KIF12: variants seen among roughly 807,000 people sequenced by gnomAD.
KIF12 encodes kinesin-like protein KIF12.
In KIF12, 80 loss-of-function variants were observed where a neutral mutation model predicts 87.9. That is an observed-to-expected ratio of 0.91 (90% CI 0.76 to 1.10). The LOEUF is 1.10. KIF12 is among the 50% of genes least tolerant of loss of function. KIF12 has a pLI of 0.00. For synonymous variants in KIF12, 353 were observed against 348.5 expected, an observed-to-expected ratio of 1.01 and a Z score of -0.14; for missense variants, 819 against 865.3, an observed-to-expected ratio of 0.95 and a Z score of 0.67.
chr9:114,092,036 A>G, intron 18 of KIF12, 36 bp from the exon 19 acceptor site: 1 of 1,586,568 alleles, frequency 6.3e-7, no homozygotes, highest in Non-Finnish European at 8.6e-7. Flanking sequence ...TGCCCTCTCC[A>G]GGGCCCTTCC....
rs767165166 is a variant in KIF12 at position 114,096,201 on chromosome 9, G to T, written c.745C>A (p.Gln249Lys). The T allele has an allele frequency of 1.1e-5, 18 of 1,613,700 alleles. No individual in the cohort carries two copies. The highest frequency in any genetic ancestry group is 2.7e-5 in the African/African-American group (2 of 74,936). Reference protein sequence around the residue: ...TLYISRQTAQQMPSVDPGEPP... With the variant: ...TLYISRQTAQKMPSVDPGEPP... ...TCCCCAGGGTCCACAGAAGGCATCT[G>T]CTGGGCCTGAGGGATCAGAGCTTCA... is the stretch of plus-strand genomic sequence containing the variant. Residue 249 changes from glutamine to lysine, a missense_variant, in exon 9 of 19, where the codon CAG becomes AAG. Coordinates refer to ENST00000640217, the MANE Select transcript of KIF12 (RefSeq NM_001388308.1).
At chr9:114,098,082 C>G (rs1422254565) in intron 5 of KIF12, 33 bp downstream of exon 5, 2 of 1,539,870 alleles carry the variant, frequency 1.3e-6, no homozygotes, top group South Asian at 2.4e-5. Flanking sequence ...CACCCAGCCC[C>G]GCCCCGCGGG....
intron 9 of KIF12, among the ~76,000 whole-genome samples, chr9:114,095,770 A>G (rs962694461): frequency 4.6e-5 from 7 of 151,740 alleles, no homozygotes; most frequent in African/African-American, 1.5e-4. Context: ...GGACATGCCA[A>G]ATGTCTCTGA....
intron 8 of KIF12, 21 bp from the exon 9 acceptor site, chr9:114,096,228 G>A (rs374176491): frequency 4.4e-4 from 715 of 1,613,124 alleles, no homozygotes; most frequent in Non-Finnish European, 5.9e-4. Context: ...AGAGCTTCAT[G>A]GGGACTTGGG....
In KIF12 at chr9:114,092,370, C is replaced by G; in HGVS notation, c.1779G>C (p.Leu593=). 1.2e-6 allele frequency: 2 copies of G among 1,607,940 alleles called. No homozygotes were observed. Among genetic ancestry groups the G allele is most frequent in the African/African-American group, 1.3e-5 (1 of 74,704 alleles). The change falls in exon 18 of 19, where the codon CTG becomes CTC. Residue 593 remains leucine (L), a synonymous_variant. Coordinates refer to ENST00000640217, the MANE Select transcript of KIF12 (RefSeq NM_001388308.1). ...GTGATGTCTTCGGGGGCCTCACAGGCAGGGGAGGTGCAGAAGGTACCACCT... is the reference window on the plus strand; with the variant it reads ...GTGATGTCTTCGGGGGCCTCACAGGGAGGGGAGGTGCAGAAGGTACCACCT... ...EEEVVPSAPP[L]PVRPPKTSPG...
chr9:114,095,005 G>T lies in KIF12; in HGVS notation c.1119+18C>A. 1 of 1,539,036 alleles carries T rather than the reference G, an allele frequency of 6.5e-7. No homozygotes were observed. On this transcript the variant is annotated intron_variant, in intron 11 of 18. Coordinates refer to ENST00000640217, the MANE Select transcript of KIF12 (RefSeq NM_001388308.1). ...CATCTCCACGCCTGTCCCTCAGCTT[G>T]TGCCTGCCTATACTCACCTTGGGGG...
chr9:114,095,958 A>G, intron 9 of KIF12, 93 bp downstream of exon 9: 5 of 1,384,432 alleles, frequency 3.6e-6, no homozygotes, highest in Non-Finnish European at 4.9e-6. Context: ...TCTTCTATTT[A>G]CTACAACTCC....
intron 9 of KIF12, among the ~76,000 whole-genome samples, chr9:114,095,811 T>A (rs969811404): frequency 6.6e-6 from 1 of 152,232 alleles, no homozygotes; most frequent in Non-Finnish European, 1.5e-5. Flanking sequence ...AGTGGTTCTA[T>A]TTCCCAAATT....
rs1030971963 is a variant in KIF12, at chr9:114,096,104, C to A, written c.842G>T (p.Arg281Leu). ...GTTAGCCTCAAGCATCAGCTCCCCACGGGATCCCGTGGCTGCTACCTTCTC... is the reference window on the plus strand; with the variant it reads ...GTTAGCCTCAAGCATCAGCTCCCCAAGGGATCCCGTGGCTGCTACCTTCTC... Reference protein sequence around the residue: ...GSEKVAATGSRGELMLEANSI... With the variant: ...GSEKVAATGSLGELMLEANSI... The change falls in exon 9 of 19, where the codon CGT becomes CTT. Residue 281 changes from arginine (R) to leucine (L), a missense_variant. Transcript: ENST00000640217. 6.2e-7 allele frequency: 1 copy of A among 1,613,686 alleles called. No homozygotes were observed. The highest frequency in any genetic ancestry group is 1.3e-5 in the African/African-American group (1 of 74,906).
chr9:114,097,882 C>G (rs1019346360), intron 5 of KIF12, 141 bp from the exon 6 acceptor site: 2 of 1,099,830 alleles, frequency 1.8e-6, no homozygotes, highest in African/African-American at 3.2e-5. Flanking sequence ...ACTGTCACTT[C>G]CATTTTACAG....
chr9:114,093,402 C>T lies in KIF12; in HGVS notation c.1491+5G>A, dbSNP rs576478053. 1.3e-6 allele frequency: 2 copies of T among 1,563,032 alleles called. No homozygotes were observed. The highest frequency in any genetic ancestry group is 2.4e-5 in the South Asian group (2 of 84,512). ...CACCCCTCCAGGCTGGGCCGTGAGACTCACATGGCAAGGGGGAGCTGGGGC... is the reference window on the plus strand; with the variant it reads ...CACCCCTCCAGGCTGGGCCGTGAGATTCACATGGCAAGGGGGAGCTGGGGC... On this transcript the variant is annotated splice_donor_5th_base_variant and intron_variant, in intron 15 of 18. Transcript: ENST00000640217.
rs1847003408 is a variant in KIF12 at position 114,091,660 on chromosome 9, T to A, written c.*201A>T. 1.9e-6 allele frequency: 1 copy of A among 520,518 alleles called. No individual in the cohort carries two copies. Among genetic ancestry groups the A allele is most frequent in the African/African-American group, 1.9e-5 (1 of 51,640 alleles). The allele number at this position is 520,518 out of a possible 1,614,324, so 32.2% of individuals were successfully genotyped here. On this transcript the variant is annotated 3_prime_UTR_variant, in exon 19 of 19. Transcript: ENST00000640217. ...GACTTGGAGCTGATGCCTCTCTTTA[T>A]TCATGTATTTCATCCCCTGCTGCCT...
At chr9:114,098,509 GGC>G in intron 3 of KIF12, 80 bp from the exon 4 acceptor site, 1 of 1,135,588 alleles carries the variant, frequency 8.8e-7, no homozygotes, top group South Asian at 1.7e-5. Context: ...CGTGGAGGAG[GGC>G]GGGGCACGCG....
intron 9 of KIF12, 25 bp downstream of exon 9, chr9:114,096,026 C>G (rs1588504791): frequency 1.3e-6 from 2 of 1,590,978 alleles, no homozygotes; most frequent in Non-Finnish European, 1.7e-6. Context: ...GACAGGAAAT[C>G]ACACCGGTGG....
Position 114,094,851 on chromosome 9 carries a change from G to A in KIF12, c.1119+172C>T, listed in dbSNP as rs149439349. On this transcript the variant is annotated intron_variant, in intron 11 of 18. Transcript: ENST00000640217. The stretch of plus-strand genomic sequence containing the variant: ...CTGCCCTAAACCTGGCATGACCCTG[G>A]CTGGGACCCTGACCCCATCCTATAC... Among the ~76,000 whole-genome samples, 383 of 152,190 alleles carry A rather than the reference G, an allele frequency of 2.5e-3. 4 individuals carry two copies. Among genetic ancestry groups the A allele is most frequent in the South Asian group, 3.7e-3 (18 of 4,810 alleles).
In KIF12 at chr9:114,096,413, G is replaced by C. The variant is rs775102998; in HGVS notation, c.712C>G (p.Leu238Val). 6 of 1,613,282 alleles carry C rather than the reference G, an allele frequency of 3.7e-6. No individual in the cohort carries two copies. The highest frequency in any genetic ancestry group is 5.1e-6 in the Non-Finnish European group (6 of 1,179,756). Reference protein sequence around the residue: ...NQASSRSHALLTLYISRQTAQ... With the variant: ...NQASSRSHALVTLYISRQTAQ... ...GTTTGACGGCTGATGTAAAGGGTGA[G>C]CAGGGCATGGCTTCGGCTGGAGGCC... is the stretch of plus-strand genomic sequence containing the variant. Residue 238 changes from leucine (L) to valine (V), a missense_variant, in exon 8 of 19, where the codon CTC becomes GTC. Coordinates refer to ENST00000640217, the MANE Select transcript of KIF12 (RefSeq NM_001388308.1).
chr9:114,095,037 G>A lies in KIF12; in HGVS notation c.1105C>T (p.Pro369Ser). ...ASRAQRVTTR[P>S]QAPKSPVAKQ... ...CCTATACTCACCTTGGGGGCCTGTGGTCGGGTGGTGACCCGCTGAGCTCGG... is the reference window on the plus strand; with the variant it reads ...CCTATACTCACCTTGGGGGCCTGTGATCGGGTGGTGACCCGCTGAGCTCGG... Residue 369 changes from proline (P) to serine (S), a missense_variant, in exon 11 of 19, where the codon CCA (proline) becomes TCA (serine). Transcript: ENST00000640217. The A allele has an allele frequency of 1.3e-6, 2 of 1,598,950 alleles. No individual in the cohort carries two copies. The highest frequency in any genetic ancestry group is 1.7e-6 in the Non-Finnish European group (2 of 1,172,422).
intron 15 of KIF12, 22 bp from the exon 16 acceptor site, chr9:114,093,355 G>T: frequency 2.6e-6 from 4 of 1,554,600 alleles, no homozygotes; most frequent in Non-Finnish European, 3.5e-6. Context: ...TGCGTCAGAG[G>T]CTCCATGACA....
rs770660521 is a variant in KIF12, at chr9:114,094,384, C to T, written c.1191G>A (p.Leu397=). 3 of 1,613,998 alleles carry T rather than the reference C, an allele frequency of 1.9e-6. No individual in the cohort carries two copies. Among genetic ancestry groups the T allele is most frequent in the Admixed American group, 1.7e-5 (1 of 60,016 alleles). ...MLQLQEENRR[L]QFQLDQMDCK... ...AGTCCATTTGGTCCAGCTGGAACTGCAGGCGACGGTTCTCCTCCTGGAGCT... is the reference window on the plus strand; with the variant it reads ...AGTCCATTTGGTCCAGCTGGAACTGTAGGCGACGGTTCTCCTCCTGGAGCT... Residue 397 remains leucine (L), a synonymous_variant, in exon 12 of 19, where the codon CTG becomes CTA. Transcript: ENST00000640217.
Sources: gnomAD v4.1 joint callset for allele counts (sites outside exome capture counted in the v4.1 genomes callset) on GRCh38, gnomAD v4.1.1 for gene constraint, MANE v1.5 for transcripts, NCBI Gene and HGNC (gene_info 2026-07-23, HGNC 2026-07-21) for gene names.